Variants in MCC observed in about 807,000 individuals in gnomAD.
MCC encodes the protein MCC regulator of Wnt signaling pathway.
MCC carries 90 observed loss-of-function variants against 116.2 expected under a neutral mutation model. The observed-to-expected ratio is 0.77, with a 90% CI of 0.65 to 0.92. The LOEUF (loss-of-function observed/expected upper bound fraction) is 0.92, where lower values mean the gene tolerates loss of function less well. MCC is among the 40% of genes least tolerant of loss of function. The pLI is 0.00. For missense variants in MCC, 1,516 were observed against 1,312.2 expected (o/e 1.16, Z -2.40); for synonymous variants, 578 against 510.5 (o/e 1.13, Z -1.78).
At chr5:113,177,752 A>T (rs1761410005) in intron 3 of MCC, among the ~76,000 whole-genome samples, 1 of 152,162 alleles carries the variant, frequency 6.6e-6, no homozygotes, top group Non-Finnish European at 1.5e-5. Context: ...ACATACATAT[A>T]TGGCGAATTT....
intron 8 of MCC, among the ~76,000 whole-genome samples, chr5:113,088,405 T>C (rs1755354484): frequency 6.6e-6 from 1 of 151,616 alleles, no homozygotes; most frequent in Admixed American, 6.6e-5. Context: ...GTGGGTTGGA[T>C]TATGTCTCCC....
intron 3 of MCC, among the ~76,000 whole-genome samples, chr5:113,334,969 T>G (rs1476770756): frequency 6.6e-6 from 1 of 151,750 alleles, no homozygotes; most frequent in Non-Finnish European, 1.5e-5. Flanking sequence ...CAATATTTTA[T>G]TTGTCCTATC....
intron 5 of MCC, among the ~76,000 whole-genome samples, chr5:113,135,578 A>AAT (rs1758770340): frequency 7.2e-6 from 1 of 139,326 alleles, no homozygotes; most frequent in South Asian, 2.4e-4. Context: ...AAAAAAAAAA[A>AAT]TTATTCTTAG....
intron 1 of MCC, among the ~76,000 whole-genome samples, chr5:113,438,835 A>G (rs1325917575): frequency 1.3e-5 from 2 of 152,256 alleles, no homozygotes; most frequent in African/African-American, 2.4e-5. Context: ...TATGAATGTC[A>G]TAATATATAA....
intron 14 of MCC, 67 bp from the exon 15 acceptor site, chr5:113,054,026 C>T: frequency 8.8e-7 from 1 of 1,131,288 alleles, no homozygotes; most frequent in Non-Finnish European, 1.3e-6. Context: ...ATAGATCTTT[C>T]CTCCTCACTC....
chr5:113,410,808 C>T (rs1219861844), intron 1 of MCC, among the ~76,000 whole-genome samples: 2 of 152,152 alleles, frequency 1.3e-5, no homozygotes, highest in East Asian at 3.8e-4. Flanking sequence ...GCCCTGTGTC[C>T]ATGTGTTCTC....
At chr5:113,404,685 T>A (rs1769783987) in intron 1 of MCC, among the ~76,000 whole-genome samples, 1 of 152,194 alleles carries the variant, frequency 6.6e-6, no homozygotes, top group Non-Finnish European at 1.5e-5. Context: ...GGAAATCATC[T>A]AAATATCCAC....
chr5:113,248,978 G>T (rs11746821), intron 3 of MCC, among the ~76,000 whole-genome samples: 23,961 of 151,788 alleles, frequency 0.16, 2,232 homozygotes, highest in Admixed American at 0.29. Flanking sequence ...CGAGTAGCTG[G>T]GATTACAGGT....
At chr5:113,343,913 G>C (rs1037267817) in intron 2 of MCC, among the ~76,000 whole-genome samples, 1 of 152,124 alleles carries the variant, frequency 6.6e-6, no homozygotes, top group African/African-American at 2.4e-5. Flanking sequence ...CCCTGTGCAG[G>C]AATACCACAT....
chr5:113,407,094 A>G (rs1029816106), intron 1 of MCC, among the ~76,000 whole-genome samples: 6 of 152,324 alleles, frequency 3.9e-5, no homozygotes, highest in Admixed American at 3.9e-4. Context: ...AAAAATTGTT[A>G]TCTACAGTGC....
Position 113,334,677 on chromosome 5 carries a change from G to A in MCC, c.627+5842C>T, listed in dbSNP as rs1263016309. 2.8e-5 allele frequency among the ~76,000 whole-genome samples: 4 copies of A among 140,952 alleles called. No homozygotes were observed. In the East Asian group the frequency reaches 6.1e-4, roughly 21 times the overall value. 92.5% of individuals were successfully genotyped at this position (140,952 alleles called of 152,430 possible). On this transcript the variant is annotated intron_variant, in intron 3 of 18. Transcript: ENST00000408903. ...GTGATCTCAGCTCACTGCAACCTCC[G>A]CCTCCCGGGTTCAAGTAATTCTCTG...
intron 3 of MCC, among the ~76,000 whole-genome samples, chr5:113,261,456 G>T (rs1054542521): frequency 3.3e-5 from 5 of 152,110 alleles, no homozygotes; most frequent in African/African-American, 1.2e-4. Context: ...GCTTCAAGAA[G>T]TTTGCCCACC....
chr5:113,047,994 C>A (rs1752222410), intron 16 of MCC, among the ~76,000 whole-genome samples: 1 of 152,182 alleles, frequency 6.6e-6, no homozygotes, highest in Non-Finnish European at 1.5e-5. Flanking sequence ...GTGACGGTAG[C>A]AACGCCAGCA....
chr5:113,067,568 G>A (rs769041948), intron 13 of MCC, among the ~76,000 whole-genome samples: 8 of 152,180 alleles, frequency 5.3e-5, no homozygotes, highest in Non-Finnish European at 7.4e-5. Context: ...CCTAGGAGGT[G>A]GAGGTTGCAG....
chr5:113,237,673 A>G (rs1764183211), intron 3 of MCC, among the ~76,000 whole-genome samples: 1 of 152,230 alleles, frequency 6.6e-6, no homozygotes, highest in African/African-American at 2.4e-5. Context: ...GGGCTACAAG[A>G]GAAATTATAT....
intron 6 of MCC, among the ~76,000 whole-genome samples, chr5:113,119,624 A>G (rs1381632420): frequency 2.0e-5 from 3 of 152,140 alleles, no homozygotes; most frequent in Non-Finnish European, 4.4e-5. Context: ...TGAGGGTGGG[A>G]GCACAATGAC....
intron 8 of MCC, among the ~76,000 whole-genome samples, chr5:113,098,892 AC>A (rs1756217143): frequency 1.3e-5 from 2 of 152,208 alleles, no homozygotes; most frequent in Admixed American, 6.5e-5. Flanking sequence ...GCAAAGGCAA[AC>A]CAGCCTTGTA....
chr5:113,240,691 CTTTTT>C lies in MCC; in HGVS notation c.628-89274_628-89270del, dbSNP rs1344008347. 1.2e-4 allele frequency among the ~76,000 whole-genome samples: 19 copies of C among 152,232 alleles called. No homozygotes were observed. The East Asian group carries it at 3.7e-3, about 29-fold the overall frequency. On this transcript the variant is annotated intron_variant, in intron 3 of 18. Transcript: ENST00000408903. ...TGCCAACTGTAACAGGATTTCTCATCTTTTTTCCTATACTCAGAGAGCAAACTGGG... is the reference window on the plus strand; with the variant it reads ...TGCCAACTGTAACAGGATTTCTCATCTCCTATACTCAGAGAGCAAACTGGG...
At chr5:113,054,786 C>T (rs370331572) in intron 14 of MCC, among the ~76,000 whole-genome samples, 158 of 152,240 alleles carry the variant, frequency 1.0e-3, no homozygotes, top group African/African-American at 3.6e-3. Context: ...CCCAGCTGAA[C>T]CCCAGGCCTG....
Sources: gnomAD v4.1 joint callset for allele counts (sites outside exome capture counted in the v4.1 genomes callset) on GRCh38, gnomAD v4.1.1 for gene constraint, MANE v1.5 for transcripts, NCBI Gene and HGNC (gene_info 2026-07-23, HGNC 2026-07-21) for gene names.